Variants in SSB observed in about 807,000 individuals in gnomAD.
SSB encodes small RNA binding exonuclease protection factor La, also known as lupus La protein.
Under a neutral mutation model 52.9 loss-of-function variants are expected in SSB, and 17 were observed. The ratio of observed to expected loss-of-function variants is 0.32; its 90% CI spans 0.22 to 0.48. The LOEUF is 0.48. Among genes scored for constraint, SSB ranks in the 20% least tolerant of loss-of-function variants. SSB has a pLI of 0.99. For missense variants in SSB, 314 were observed against 463.6 expected, an observed-to-expected ratio of 0.68 and a Z score of 2.96; for synonymous variants, 111 against 152.1, an observed-to-expected ratio of 0.73 and a Z score of 1.99.
At chr2:169,802,644 A>G (rs1029248478) in intron 2 of SSB, among the ~76,000 whole-genome samples, 1 of 152,180 alleles carries the variant, frequency 6.6e-6, no homozygotes, top group African/African-American at 2.4e-5. Context: ...AGCTTTTGAC[A>G]CTTTGCTTCA....
At chr2:169,806,381 A>G (rs928763636) in intron 4 of SSB, among the ~76,000 whole-genome samples, 3 of 152,186 alleles carry the variant, frequency 2.0e-5, no homozygotes, top group African/African-American at 7.2e-5. Context: ...CTAAGCACCT[A>G]TTGCCTATTA....
intron 2 of SSB, among the ~76,000 whole-genome samples, chr2:169,801,846 AT>A (rs1186666888): frequency 1.3e-5 from 2 of 152,074 alleles, no homozygotes; most frequent in African/African-American, 4.8e-5. Context: ...TAACTTTAAT[AT>A]AGTATCTGTT....
rs372919350 is a variant in SSB at position 169,807,136 on chromosome 2, G to T, written c.554+65G>T. On this transcript the variant is annotated intron_variant, in intron 6 of 11. Coordinates refer to ENST00000260956, the MANE Select transcript of SSB (RefSeq NM_003142.5). ...ATATGGACACACACTAGGGTAAGGA[G>T]CATGGAAGTAGTATCCCCTGAAAGG... 1.0e-5 allele frequency: 14 copies of T among 1,345,172 alleles called. No homozygotes were observed. The East Asian group carries it at 2.8e-4, about 26-fold the overall frequency. 83.3% of individuals were successfully genotyped at this position (1,345,172 alleles called of 1,614,324 possible).
rs548069992 is a variant in SSB at position 169,805,723 on chromosome 2, G to A, written c.229G>A (p.Ala77Thr). 63 of 1,614,022 alleles carry A rather than the reference G, an allele frequency of 3.9e-5. No homozygotes were observed. Among genetic ancestry groups the A allele is most frequent in the Non-Finnish European group, 4.7e-5 (56 of 1,180,008 alleles). Residue 77 changes from alanine (A) to threonine (T), a missense_variant, in exon 4 of 12, where the codon GCA (alanine) becomes ACA (threonine). Transcript: ENST00000260956. ...TGTGGAAGCATTGAGCAAATCCAAG[G>A]CAGAACTCATGGAAATCAGTGAAGA... ...VIVEALSKSK[A>T]ELMEISEDKT...
rs560926696 is a variant in SSB, at chr2:169,803,860, A to C, written c.67-1614A>C. ...TTCAAGCTAGTCTTGTGCCTCAGCCATCCGAGTAGTTGGGATTACAGGCGT... is the reference window on the plus strand; with the variant it reads ...TTCAAGCTAGTCTTGTGCCTCAGCCCTCCGAGTAGTTGGGATTACAGGCGT... On this transcript the variant is annotated intron_variant, in intron 2 of 11. Transcript: ENST00000260956. Among the ~76,000 whole-genome samples the C allele has an allele frequency of 4.0e-5, 6 of 151,884 alleles. No individual in the cohort carries two copies. In the South Asian group the frequency reaches 1.0e-3, roughly 26 times the overall value.
intron 9 of SSB, 174 bp from the exon 10 acceptor site, chr2:169,810,684 C>T (rs1689931339): frequency 5.8e-6 from 4 of 684,412 alleles, no homozygotes; most frequent in African/African-American, 5.5e-5. Flanking sequence ...ACTGTTCATA[C>T]TGATGATTGC....
chr2:169,808,362 T>C (rs990642769), intron 6 of SSB, 120 bp from the exon 7 acceptor site: 2 of 679,010 alleles, frequency 2.9e-6, no homozygotes, highest in Non-Finnish European at 4.9e-6. Flanking sequence ...TAGTTGATGA[T>C]TATGTTGATA....
Position 169,811,928 on chromosome 2 carries a change from T to A in SSB, c.*172T>A, listed in dbSNP as rs1232091879. On this transcript the variant is annotated 3_prime_UTR_variant, in exon 12 of 12. Coordinates refer to ENST00000260956, the MANE Select transcript of SSB (RefSeq NM_003142.5). ...GTTATGCAAATGAGATTTCTTTGAA[T>A]GTATTGTTCTGTTTGTGTTATTTCA... 6.6e-7 allele frequency: 1 copy of A among 1,506,922 alleles called. No homozygotes were observed. The highest frequency in any genetic ancestry group is 9.1e-7 in the Non-Finnish European group (1 of 1,093,044). The allele number at this position is 1,506,922 out of a possible 1,614,324, so 93.3% of individuals were successfully genotyped here.
In SSB at chr2:169,804,903, C is replaced by T. The variant is rs561185724; in HGVS notation, c.67-571C>T. ...CTGCAATCCCAGCACTTTGGGAGGC[C>T]GAGGTGGGCAGATCGCTTGAGATCA... On this transcript the variant is annotated intron_variant, in intron 2 of 11. Coordinates refer to ENST00000260956, the MANE Select transcript of SSB (RefSeq NM_003142.5). Among the ~76,000 whole-genome samples, 191 of 152,108 alleles carry T rather than the reference C, an allele frequency of 1.3e-3. 1 individual carries two copies. Among genetic ancestry groups the T allele is most frequent in the Non-Finnish European group, 2.2e-3 (148 of 67,976 alleles).
intron 2 of SSB, among the ~76,000 whole-genome samples, chr2:169,804,071 G>T (rs1409884662): frequency 1.3e-5 from 2 of 152,028 alleles, no homozygotes; most frequent in Non-Finnish European, 2.9e-5. Context: ...TTCTATTAGG[G>T]TGTTCTCTTT....
chr2:169,802,585 C>G (rs1224774101), intron 2 of SSB, among the ~76,000 whole-genome samples: 2 of 152,216 alleles, frequency 1.3e-5, no homozygotes, highest in Non-Finnish European at 2.9e-5. Flanking sequence ...ATCTCTCCCA[C>G]AACCTGCTAA....
In SSB at chr2:169,811,772, T is replaced by C. The variant is rs1689963222; in HGVS notation, c.*16T>C. 5.0e-6 allele frequency: 8 copies of C among 1,612,962 alleles called. No individual in the cohort carries two copies. Among genetic ancestry groups the C allele is most frequent in the Non-Finnish European group, 6.8e-6 (8 of 1,179,642 alleles). Reference sequence around the variant, plus strand: ...AGACCAGTAGTTTAGTAAACCAATTTTTTATTCATTTTAAATAGGTTTTAA... The same window carrying C: ...AGACCAGTAGTTTAGTAAACCAATTCTTTATTCATTTTAAATAGGTTTTAA... On this transcript the variant is annotated 3_prime_UTR_variant, in exon 12 of 12. Coordinates refer to ENST00000260956, the MANE Select transcript of SSB (RefSeq NM_003142.5).
At chr2:169,810,651 GT>G (rs1206596194) in intron 9 of SSB, 2 of 662,704 alleles carry the variant, frequency 3.0e-6, no homozygotes, top group African/African-American at 3.7e-5. Context: ...ATGTCTGATA[GT>G]TTCTGAATTA....
chr2:169,808,712 T>C (rs1299963242), intron 7 of SSB, 148 bp from the exon 8 acceptor site: 4 of 973,706 alleles, frequency 4.1e-6, no homozygotes, highest in Non-Finnish European at 6.2e-6. Flanking sequence ...CAAATTGCAT[T>C]GCAGTCTAGC....
rs142716482 is a variant in SSB at position 169,808,892 on chromosome 2, A to C, written c.659A>C (p.Asp220Ala). 2.6e-4 allele frequency: 410 copies of C among 1,597,934 alleles called. 2 individuals are homozygous for C. Among genetic ancestry groups the C allele is most frequent in the Non-Finnish European group, 3.3e-4 (382 of 1,165,818 alleles). The change falls in exon 8 of 12, where the codon GAT becomes GCT. Residue 220 changes from aspartate (D) to alanine (A), a missense_variant. Asp to Ala is a moderately radical substitution (Grantham distance 126, BLOSUM62 -2). Transcript: ENST00000260956. ...EQEAKQKLEE[D>A]AEMKSLEEKI... ...GAAGCAAAACAAAAGTTAGAAGAAG[A>C]TGCTGAAATGGTAAGTATATATTAC...
Position 169,810,290 on chromosome 2 carries a change from T to A in SSB, c.677T>A (p.Leu226Gln), listed in dbSNP as rs768885266. The part of the protein sequence containing the change: ...KLEEDAEMKS[L>Q]EEKIGCLLKF... ...CTTTGTATATTTTTATAGAAATCTC[T>A]AGAAGAAAAGATTGGATGCTTGCTG... Residue 226 changes from leucine (L) to glutamine (Q), a missense_variant, in exon 9 of 12, where the codon CTA becomes CAA. Leu to Gln is a moderately radical substitution (Grantham distance 113). Transcript: ENST00000260956. 6.2e-7 allele frequency: 1 copy of A among 1,601,710 alleles called. No homozygotes were observed. Among genetic ancestry groups the A allele is most frequent in the East Asian group, 2.2e-5 (1 of 44,616 alleles).
At chr2:169,811,641 T>C in intron 11 of SSB, 27 bp from the exon 12 acceptor site, 1 of 1,599,236 alleles carries the variant, frequency 6.3e-7, no homozygotes, top group Non-Finnish European at 8.5e-7. Flanking sequence ...ACGTTGAATT[T>C]AACAAAAATT....
intron 6 of SSB, 122 bp downstream of exon 6, chr2:169,807,193 G>C (rs1689847462): frequency 1.4e-6 from 1 of 726,072 alleles, no homozygotes; most frequent in African/African-American, 1.8e-5. Context: ...GATGACCTTT[G>C]AGAAATGCTT....
At chr2:169,803,121 T>A (rs1689745928) in intron 2 of SSB, among the ~76,000 whole-genome samples, 1 of 152,252 alleles carries the variant, frequency 6.6e-6, no homozygotes, top group South Asian at 2.1e-4. Context: ...TTCAAGTCAA[T>A]ACTAGGTAGT....
Sources: gnomAD v4.1 joint callset for allele counts (sites outside exome capture counted in the v4.1 genomes callset) on GRCh38, gnomAD v4.1.1 for gene constraint, MANE v1.5 for transcripts, NCBI Gene and HGNC (gene_info 2026-07-23, HGNC 2026-07-21) for gene names.